The following NUP214 variants were observed in gnomAD, a reference collection of about 807,000 sequenced individuals.
NUP214 encodes the protein nucleoporin 214.
NUP214 carries 79 observed loss-of-function variants against 196.2 expected under a neutral mutation model. That is an observed-to-expected ratio of 0.40 (90% confidence interval 0.34 to 0.49). The LOEUF (loss-of-function observed/expected upper bound fraction) is 0.49, where lower values mean the gene tolerates loss of function less well. NUP214 is among the 20% of genes least tolerant of loss of function. The probability of loss-of-function intolerance (pLI) is 0.58; values close to 1 mark genes in which losing one functional copy is unlikely to be tolerated. For missense variants in NUP214, 2,468 were observed against 2,539.0 expected (o/e 0.97, Z 0.60); for synonymous variants, 1,020 against 990.5 (o/e 1.03, Z -0.56).
At chr9:131,156,099 A>C (rs1832428220) in intron 17 of NUP214, among the ~76,000 whole-genome samples, 1 of 146,582 alleles carries the variant, frequency 6.8e-6, no homozygotes, top group African/African-American at 2.5e-5. Flanking sequence ...TATTGATTCT[A>C]CCCATCCATG....
rs760685437 is a variant in NUP214 at position 131,192,195 on chromosome 9, T to TTTC, written c.3575-13_3575-12insTTC. ...TTTTTTTTTTTTTTTTTTTTTTTTT[T>TTTC]CCATAATTTCAGGGACAGCCAAGAT... On this transcript the variant is annotated splice_polypyrimidine_tract_variant and intron_variant, in intron 26 of 35. Coordinates refer to ENST00000359428, the MANE Select transcript of NUP214 (RefSeq NM_005085.4). 1.5e-5 allele frequency: 18 copies of TTTC among 1,225,016 alleles called. 1 individual carries two copies. Among genetic ancestry groups the TTTC allele is most frequent in the South Asian group, 4.3e-5 (3 of 69,922 alleles). 75.9% of individuals were successfully genotyped at this position (1,225,016 alleles called of 1,614,324 possible). A position where few individuals can be genotyped will look rare whatever the true frequency, so the allele number is the denominator to read the frequency against.
Position 131,129,413 on chromosome 9 carries a change from C to G in NUP214, c.528C>G (p.Val176=), listed in dbSNP as rs772723133. ...AVCLADGSIA[V]LQVTETVKVC... ...GTCTGGCTGATGGTAGTATTGCTGTCCTGCAAGTCACGGAAACAGTGAAAG... is the reference window on the plus strand; with the variant it reads ...GTCTGGCTGATGGTAGTATTGCTGTGCTGCAAGTCACGGAAACAGTGAAAG... The change falls in exon 4 of 36, where the codon GTC becomes GTG. Residue 176 remains valine, a synonymous_variant. Transcript: ENST00000359428. 6.2e-7 allele frequency: 1 copy of G among 1,614,066 alleles called. No individual in the cohort carries two copies. The highest frequency in any genetic ancestry group is 8.5e-7 in the Non-Finnish European group (1 of 1,180,040).
intron 31 of NUP214, among the ~76,000 whole-genome samples, chr9:131,218,796 T>A (rs1307164491): frequency 6.6e-6 from 1 of 152,106 alleles, no homozygotes; most frequent in East Asian, 1.9e-4. Context: ...GAAACTGGAA[T>A]TCAGGGCCCT....
Position 131,125,644 on chromosome 9 carries a change from GT to G in NUP214, c.-59del. The G allele has an allele frequency of 1.3e-6, 2 of 1,543,732 alleles. No individual in the cohort carries two copies. Among genetic ancestry groups the G allele is most frequent in the Non-Finnish European group, 8.7e-7 (1 of 1,143,326 alleles). On this transcript the variant is annotated 5_prime_UTR_variant, in exon 1 of 36. Coordinates refer to ENST00000359428, the MANE Select transcript of NUP214 (RefSeq NM_005085.4). The surrounding 1 kb of genome is among the most constrained non-coding windows in gnomAD (Gnocchi z 4.1). ...GGAAGTTTGCTGTCGAGCGGCCTGG[GT>G]TCCGTGGGCAAGGCCGTGGGAGGCA...
intron 30 of NUP214, among the ~76,000 whole-genome samples, chr9:131,203,135 C>T (rs537109694): frequency 3.3e-5 from 5 of 151,694 alleles, no homozygotes; most frequent in South Asian, 2.1e-4. Flanking sequence ...TTAGTAGAGA[C>T]GGGGTTTCGC....
chr9:131,127,729 C>T lies in NUP214; in HGVS notation c.241+10C>T. 2 of 1,605,594 alleles carry T rather than the reference C, an allele frequency of 1.2e-6. No individual in the cohort carries two copies. The highest frequency in any genetic ancestry group is 1.7e-6 in the Non-Finnish European group (2 of 1,173,042). ...GATCCCAACAAAATAGGTAAGTTCC[C>T]TGGTTTATGTTGCAAAGTAGAGAGA... On this transcript the variant is annotated intron_variant, in intron 2 of 35. Transcript: ENST00000359428.
At position 131,201,662 on chromosome 9, in the gene NUP214, A is replaced by G; in HGVS notation, c.5537A>G (p.Asn1846Ser). 1 of 1,614,020 alleles carries G rather than the reference A, an allele frequency of 6.2e-7. No homozygotes were observed. The highest frequency in any genetic ancestry group is 8.5e-7 in the Non-Finnish European group (1 of 1,179,880). ...FCQASGFGSS[N>S]TGSVFGQAAS... ...TATTTTACAGGTTTTGGGTCTAGTA[A>G]TACTGGTTCTGTGTTTGGTCAAGCA... The change falls in exon 30 of 36, where the codon AAT (asparagine) becomes AGT (serine). Residue 1846 changes from asparagine to serine, a missense_variant. Coordinates refer to ENST00000359428, the MANE Select transcript of NUP214 (RefSeq NM_005085.4).
At position 131,193,704 on chromosome 9, in the gene NUP214, C is replaced by T. The variant is rs117178420; in HGVS notation, c.3659+1412C>T. ...TATCACTCCGTCACCCTGGTTGGAGCGCAGTGGTGAGATCTCAGCTCACTG... is the reference window on the plus strand; with the variant it reads ...TATCACTCCGTCACCCTGGTTGGAGTGCAGTGGTGAGATCTCAGCTCACTG... On this transcript the variant is annotated intron_variant, in intron 27 of 35. Coordinates refer to ENST00000359428, the MANE Select transcript of NUP214 (RefSeq NM_005085.4). 5.8e-3 allele frequency among the ~76,000 whole-genome samples: 682 copies of T among 118,076 alleles called. 5 individuals carry two copies. The highest frequency in any genetic ancestry group is 0.023 in the Middle Eastern group (3 of 128). 77.5% of individuals were successfully genotyped at this position (118,076 alleles called of 152,430 possible).
rs191529067 is a variant in NUP214 at position 131,147,619 on chromosome 9, A to G, written c.2040+35A>G. 238 of 1,429,236 alleles carry G rather than the reference A, an allele frequency of 1.7e-4. 3 individuals carry two copies. In the Admixed American group the frequency reaches 4.0e-3, roughly 24 times the overall value. 88.5% of individuals were successfully genotyped at this position (1,429,236 alleles called of 1,614,324 possible). A position where few individuals can be genotyped will look rare whatever the true frequency, so the allele number is the denominator to read the frequency against. On this transcript the variant is annotated intron_variant, in intron 14 of 35. Coordinates refer to ENST00000359428, the MANE Select transcript of NUP214 (RefSeq NM_005085.4). ...AATTCAGCTTGCAATGTTTGTGTTT[A>G]TTAATTTACTGCCCCAAGCATACCT... is the stretch of plus-strand genomic sequence containing the variant.
chr9:131,226,408 G>T (rs944908865), intron 32 of NUP214, among the ~76,000 whole-genome samples: 7 of 151,532 alleles, frequency 4.6e-5, no homozygotes, highest in African/African-American at 1.7e-4. Flanking sequence ...GTGTTGTTTG[G>T]GGGCTTTTTC....
Position 131,198,211 on chromosome 9 carries a change from G to C in NUP214, c.4717G>C (p.Gly1573Arg). The C allele has an allele frequency of 1.9e-6, 3 of 1,614,200 alleles. No homozygotes were observed. The highest frequency in any genetic ancestry group is 2.5e-6 in the Non-Finnish European group (3 of 1,180,038). ...LSAEATPATT[G>R]VPDARTEAVP... Reference sequence around the variant, plus strand: ...TGCAGAGGCTACCCCAGCCACCACGGGGGTCCCTGATGCCAGGACGGAGGC... The same window carrying C: ...TGCAGAGGCTACCCCAGCCACCACGCGGGTCCCTGATGCCAGGACGGAGGC... The change falls in exon 29 of 36, where the codon GGG becomes CGG. Residue 1573 changes from glycine to arginine, a missense_variant. By Grantham distance (125) the Gly-to-Arg change is moderately radical. Around this residue, in one of 5 missense-constraint regions of NUP214, gnomAD observed 1,801 missense variants for 1,779.4 expected, o/e 1.01. Transcript: ENST00000359428.
chr9:131,195,313 G>A lies in NUP214; in HGVS notation c.3721+19G>A, dbSNP rs1833742287. 1 of 1,597,496 alleles carries A rather than the reference G, an allele frequency of 6.3e-7. No individual in the cohort carries two copies. The highest frequency in any genetic ancestry group is 8.6e-7 in the Non-Finnish European group (1 of 1,164,956). On this transcript the variant is annotated intron_variant, in intron 28 of 35. Transcript: ENST00000359428. ...GCACAAGGTACAGACTCTGTGTTGA[G>A]TAGCATTACTCATGTGTTTTCTCTA... is the stretch of plus-strand genomic sequence containing the variant.
chr9:131,213,805 G>GGA (rs1554741018), intron 30 of NUP214, among the ~76,000 whole-genome samples: 5 of 150,730 alleles, frequency 3.3e-5, no homozygotes, highest in Non-Finnish European at 5.9e-5. Flanking sequence ...TTTAAAGGGG[G>GGA]AAAAAAAAGA....
In NUP214 at chr9:131,201,704, T is replaced by C. The variant is rs149924920; in HGVS notation, c.5579T>C (p.Ile1860Thr). ...GGTCAAGCAGCCAGTACTGGTGGAA[T>C]AGTCTTTGGCCAGGTAAATATGCAT... Reference protein sequence around the residue: ...VFGQAASTGGIVFGQQSSSSS... With the variant: ...VFGQAASTGGTVFGQQSSSSS... The change falls in exon 30 of 36, where the codon ATA becomes ACA. Residue 1860 changes from isoleucine to threonine, a missense_variant. This residue lies in a region of NUP214 where 262 missense variants were observed against 296.5 expected (regional missense o/e 0.88). Transcript: ENST00000359428. 13 of 1,613,748 alleles carry C rather than the reference T, an allele frequency of 8.1e-6. No individual in the cohort carries two copies. In the African/African-American group the frequency reaches 1.6e-4, roughly 20 times the overall value.
At chr9:131,150,595 C>G in intron 15 of NUP214, 21 bp from the exon 16 acceptor site, 1 of 1,608,794 alleles carries the variant, frequency 6.2e-7, no homozygotes, top group South Asian at 1.1e-5. Context: ...CTGAGTAGTT[C>G]CTCACTTGTG....
chr9:131,166,826 A>C (rs897145785), intron 21 of NUP214, among the ~76,000 whole-genome samples: 1 of 151,786 alleles, frequency 6.6e-6, no homozygotes, highest in East Asian at 1.9e-4. Flanking sequence ...GAAACTTCCA[A>C]TTGCGAGTAC....
At chr9:131,226,411 G>A (rs1204945307) in intron 32 of NUP214, among the ~76,000 whole-genome samples, 1 of 151,532 alleles carries the variant, frequency 6.6e-6, no homozygotes, top group African/African-American at 2.4e-5. Context: ...TTGTTTGGGG[G>A]CTTTTTCTCT....
In NUP214 at chr9:131,230,733, A is replaced by G. The variant is rs747873522; in HGVS notation, c.6178A>G (p.Ser2060Gly). Residue 2060 changes from serine to glycine, a missense_variant, in exon 34 of 36, where the codon AGT becomes GGT. Coordinates refer to ENST00000359428, the MANE Select transcript of NUP214 (RefSeq NM_005085.4). ...ACAGACTTCTGGTTTTGGGACCCAG[A>G]GTAGCGGATTCTCTGGTTTTGGATC... ...SQQTSGFGTQSSGFSGFGSGT... is the reference protein window; with the variant it reads ...SQQTSGFGTQGSGFSGFGSGT... The G allele has an allele frequency of 6.2e-7, 1 of 1,614,140 alleles. No homozygotes were observed. The highest frequency in any genetic ancestry group is 8.5e-7 in the Non-Finnish European group (1 of 1,180,018).
intron 30 of NUP214, among the ~76,000 whole-genome samples, 196 bp from the exon 31 acceptor site, chr9:131,215,016 G>A (rs1015838046): frequency 3.9e-5 from 6 of 152,178 alleles, no homozygotes; most frequent in Non-Finnish European, 1.5e-5. Context: ...ACATGGAATA[G>A]CTTGAGAACT....
Sources: allele counts gnomAD v4.1 joint callset (sites outside exome capture counted in the v4.1 genomes callset), GRCh38; gene constraint gnomAD v4.1.1; regional missense constraint gnomAD v4.1.1; non-coding constraint Gnocchi (gnomAD v3.1); transcripts MANE v1.5; gene names NCBI Gene and HGNC (gene_info 2026-07-23, HGNC 2026-07-21).